Variants in SAMD8 observed in about 807,000 individuals in gnomAD.
SAMD8 encodes the protein sphingomyelin synthase-related protein 1.
In SAMD8, 20 loss-of-function variants were observed where a neutral mutation model predicts 42.0. The observed-to-expected ratio is 0.48, with a 90% CI of 0.34 to 0.69. The LOEUF (loss-of-function observed/expected upper bound fraction) is 0.69, where lower values mean the gene tolerates loss of function less well. Among genes scored for constraint, SAMD8 ranks in the 30% least tolerant of loss-of-function variants. SAMD8 has a pLI of 0.01. For synonymous variants in SAMD8, 162 were observed against 173.0 expected (o/e 0.94, Z 0.50); for missense variants, 328 against 511.6 (o/e 0.64, Z 3.46).
intron 2 of SAMD8, among the ~76,000 whole-genome samples, chr10:75,152,876 C>CAACAATAAT (rs1554861637): frequency 2.0e-5 from 3 of 152,064 alleles, no homozygotes; most frequent in African/African-American, 4.8e-5. Flanking sequence ...TCTCCAACAA[C>CAACAATAAT]AATAATAATA....
At chr10:75,141,964 A>C (rs984340049) in intron 1 of SAMD8, among the ~76,000 whole-genome samples, 1 of 151,478 alleles carries the variant, frequency 6.6e-6, no homozygotes, top group Non-Finnish European at 1.5e-5. Context: ...TTTTTAAAAA[A>C]ATTTTATTTT....
At chr10:75,166,339 T>G (rs1029766102) in intron 3 of SAMD8, among the ~76,000 whole-genome samples, 2 of 151,726 alleles carry the variant, frequency 1.3e-5, no homozygotes, top group African/African-American at 4.8e-5. Flanking sequence ...AGATATTGCA[T>G]AAGAGCTCCT....
chr10:75,168,820 G>T (rs903469807), intron 4 of SAMD8, among the ~76,000 whole-genome samples, 162 bp downstream of exon 4: 2 of 152,198 alleles, frequency 1.3e-5, no homozygotes, highest in African/African-American at 4.8e-5. Context: ...TCTTAAGCCA[G>T]ATTCTACCTC....
intron 1 of SAMD8, among the ~76,000 whole-genome samples, chr10:75,123,917 G>A (rs955877002): frequency 1.8e-4 from 28 of 151,998 alleles, no homozygotes; most frequent in South Asian, 6.2e-4. Flanking sequence ...TAGTAGAGAC[G>A]GAGTTTCACC....
intron 1 of SAMD8, among the ~76,000 whole-genome samples, chr10:75,148,930 C>T (rs955040912): frequency 1.3e-5 from 2 of 151,764 alleles, no homozygotes; most frequent in Non-Finnish European, 2.9e-5. Flanking sequence ...GATGAATTTT[C>T]ACAAAAGGAA....
intron 1 of SAMD8, among the ~76,000 whole-genome samples, chr10:75,126,792 G>C (rs1437134782): frequency 1.3e-5 from 2 of 151,686 alleles, no homozygotes; most frequent in Non-Finnish European, 2.9e-5. Context: ...TGAGCCACCG[G>C]GTTGGCCGGA....
rs1841017827 is a variant in SAMD8, at chr10:75,177,874, A to G, written c.*1182A>G. ...TAGTACTTTAAGTAATTTCACATCT[A>G]TGATAACATTTGTTACTTTATTTTT... is the stretch of plus-strand genomic sequence containing the variant. On this transcript the variant is annotated 3_prime_UTR_variant, in exon 6 of 6. Transcript: ENST00000542569. The G allele has an allele frequency of 6.6e-6, 1 of 152,242 alleles. No homozygotes were observed. The highest frequency in any genetic ancestry group is 2.4e-5 in the African/African-American group (1 of 41,462). 9.4% of individuals were successfully genotyped at this position (152,242 alleles called of 1,614,324 possible).
chr10:75,129,262 G>C (rs1042225151), intron 1 of SAMD8, among the ~76,000 whole-genome samples: 1 of 151,822 alleles, frequency 6.6e-6, no homozygotes, highest in Non-Finnish European at 1.5e-5. Flanking sequence ...TTTGTTTTGA[G>C]ATGGAGTCTT....
At chr10:75,152,379 G>A (rs1011821420) in intron 2 of SAMD8, among the ~76,000 whole-genome samples, 5 of 150,264 alleles carry the variant, frequency 3.3e-5, no homozygotes, top group African/African-American at 7.3e-5. Context: ...AAAATTAGCC[G>A]GGCATAGTGG....
In SAMD8 at chr10:75,159,784, G is replaced by T. The variant is rs575194148; in HGVS notation, c.579-4861G>T. Among the ~76,000 whole-genome samples the T allele has an allele frequency of 3.3e-5, 5 of 152,288 alleles. No individual in the cohort carries two copies. In the East Asian group the frequency reaches 9.6e-4, roughly 29 times the overall value. On this transcript the variant is annotated intron_variant, in intron 2 of 5. Coordinates refer to ENST00000542569, the MANE Select transcript of SAMD8 (RefSeq NM_001174156.2). ...CTGAGTTCTCCACAGGGCTTTGCTTGATGTCTCACCCTTGCTTTGCTTCCT... is the reference window on the plus strand; with the variant it reads ...CTGAGTTCTCCACAGGGCTTTGCTTTATGTCTCACCCTTGCTTTGCTTCCT...
At chr10:75,116,737 A>G (rs1180752611) in intron 1 of SAMD8, among the ~76,000 whole-genome samples, 1 of 152,192 alleles carries the variant, frequency 6.6e-6, no homozygotes, top group Non-Finnish European at 1.5e-5. Flanking sequence ...CCATTTTCAC[A>G]ATATTTAATG....
At chr10:75,101,339 C>T (rs1018218008) in intron 1 of SAMD8, among the ~76,000 whole-genome samples, 5 of 152,166 alleles carry the variant, frequency 3.3e-5, no homozygotes, top group African/African-American at 1.2e-4. Flanking sequence ...ATAAATGGCA[C>T]GTCTTACTAT....
intron 2 of SAMD8, among the ~76,000 whole-genome samples, chr10:75,162,162 C>T (rs112994834): frequency 1.1e-4 from 16 of 152,184 alleles, no homozygotes; most frequent in Non-Finnish European, 1.5e-4. Flanking sequence ...AGTTTGAGAC[C>T]GGCCTAGCCA....
chr10:75,171,160 CTTTTTTTTTTTTTT>C (rs1003923090), intron 4 of SAMD8, among the ~76,000 whole-genome samples: 4 of 68,516 alleles, frequency 5.8e-5, no homozygotes, highest in Admixed American at 4.6e-4. Flanking sequence ...CTTTCTTTTT[CTTTTTTTTTTTTTT>C]TTTTTTTTTT....
chr10:75,160,034 G>A (rs1840519824), intron 2 of SAMD8, among the ~76,000 whole-genome samples: 1 of 115,964 alleles, frequency 8.6e-6, no homozygotes, highest in African/African-American at 4.0e-5. Flanking sequence ...AACCATAATA[G>A]CAAGGGAGGA....
intron 1 of SAMD8, among the ~76,000 whole-genome samples, chr10:75,129,049 A>G (rs528055962): frequency 1.3e-5 from 2 of 152,050 alleles, no homozygotes; most frequent in African/African-American, 4.8e-5. Context: ...AAAAAAAACC[A>G]TCTCAACTGG....
intron 1 of SAMD8, among the ~76,000 whole-genome samples, chr10:75,130,399 G>A (rs933432997): frequency 1.3e-5 from 2 of 152,042 alleles, no homozygotes; most frequent in South Asian, 2.1e-4. Context: ...CCAGCTACTC[G>A]GGAGGCTGAG....
chr10:75,168,596 T>C lies in SAMD8; in HGVS notation c.730T>C (p.Cys244Arg), dbSNP rs1161032296. The change falls in exon 4 of 6, where the codon TGC becomes CGC. Residue 244 changes from cysteine to arginine, a missense_variant. Cys to Arg is a radical substitution (Grantham distance 180). Around this residue, in one of 2 missense-constraint regions of SAMD8, gnomAD observed 178 missense variants for 325.6 expected, o/e 0.55. Transcript: ENST00000542569. ...GATGGGAACTGTATTCTTGCTTCGC[T>C]GCTTTACCATGTTTGTGACCTCCCT... ...SLMGTVFLLR[C>R]FTMFVTSLSV... 6.2e-7 allele frequency: 1 copy of C among 1,614,110 alleles called. No homozygotes were observed. The highest frequency in any genetic ancestry group is 1.1e-5 in the South Asian group (1 of 91,086).
Position 75,117,852 on chromosome 10 carries a change from C to G in SAMD8, c.-16+6130C>G, listed in dbSNP as rs190136603. 1.4e-4 allele frequency among the ~76,000 whole-genome samples: 21 copies of G among 152,226 alleles called. No homozygotes were observed. The East Asian group carries it at 4.0e-3, about 29-fold the overall frequency. On this transcript the variant is annotated intron_variant, in intron 1 of 5. Coordinates refer to ENST00000542569, the MANE Select transcript of SAMD8 (RefSeq NM_001174156.2). ...GTGGCATTGCAGCCAGGTCAGGAAC[C>G]CTTTACCAAATTTATCACCAAAGTC... is the stretch of plus-strand genomic sequence containing the variant.
Sources: gnomAD v4.1 joint callset for allele counts (sites outside exome capture counted in the v4.1 genomes callset) on GRCh38, gnomAD v4.1.1 for gene constraint, gnomAD v4.1.1 regional missense constraint, MANE v1.5 for transcripts, NCBI Gene and HGNC (gene_info 2026-07-23, HGNC 2026-07-21) for gene names.